CLASP1: variants seen among roughly 807,000 people sequenced by gnomAD.
CLASP1 encodes cytoplasmic linker associated protein 1, also known as CLIP-associating protein 1.
A neutral mutation model predicts 192.3 loss-of-function variants in CLASP1; 38 were observed. That is an observed-to-expected ratio of 0.20 (90% CI 0.15 to 0.26). The LOEUF (loss-of-function observed/expected upper bound fraction) is 0.26, where lower values mean the gene tolerates loss of function less well. Ranked by LOEUF, CLASP1 falls within the 10% of genes least tolerant of loss-of-function variation. CLASP1 has a pLI of 1.00. For synonymous variants in CLASP1, 691 were observed against 712.8 expected, an observed-to-expected ratio of 0.97 and a Z score of 0.49; for missense variants, 1,433 against 1,932.5, an observed-to-expected ratio of 0.74 and a Z score of 4.85.
At chr2:121,360,945 C>T (rs771034915) in intron 37 of CLASP1, among the ~76,000 whole-genome samples, 40 of 152,128 alleles carry the variant, frequency 2.6e-4, no homozygotes, top group Non-Finnish European at 4.7e-4. Context: ...AATTTTCTCT[C>T]CTAAATTTCT....
rs200831903 is a variant in CLASP1, at chr2:121,584,590, T to TA, written c.195+21110dup. On this transcript the variant is annotated intron_variant, in intron 2 of 39. Transcript: ENST00000263710. ...TGACTGCTTATTTCCAGAATAGATT[T>TA]AAAAAAAAATAAAAATGGTGGGGTA... Among the ~76,000 whole-genome samples the TA allele has an allele frequency of 5.5e-4, 83 of 150,812 alleles. 1 individual carries two copies. In the East Asian group the frequency reaches 0.011, roughly 20 times the overall value.
chr2:121,339,995 C>G (rs959019690), exon 40 of CLASP1: 2 of 152,184 alleles, frequency 1.3e-5, no homozygotes, highest in African/African-American at 4.8e-5. Context: ...CTTGGCAGAG[C>G]CCCCATGACA....
exon 16 of CLASP1, chr2:121,450,966 T>G (rs756914907): frequency 6.2e-7 from 1 of 1,608,826 alleles, no homozygotes; most frequent in Admixed American, 1.7e-5. Flanking sequence ...CCTTCTTTAT[T>G]GTTTCAGCTA....
chr2:121,443,465 G>C (rs1207686433), intron 19 of CLASP1, among the ~76,000 whole-genome samples: 1 of 152,122 alleles, frequency 6.6e-6, no homozygotes, highest in East Asian at 1.9e-4. Context: ...CAGTAAGGCT[G>C]AGAAAACACT....
intron 2 of CLASP1, among the ~76,000 whole-genome samples, chr2:121,582,785 C>CTTT (rs869194901): frequency 7.0e-6 from 1 of 143,034 alleles, no homozygotes; most frequent in African/African-American, 2.6e-5. Flanking sequence ...TTCTTTCTTC[C>CTTT]TTTTTTTTTT....
chr2:121,514,439 T>C (rs1016658658), intron 7 of CLASP1, among the ~76,000 whole-genome samples: 3 of 152,126 alleles, frequency 2.0e-5, no homozygotes, highest in Admixed American at 2.0e-4. Context: ...TTGAGTTCTT[T>C]TTCCTCCTGT....
chr2:121,345,480 T>C (rs1165447656), intron 39 of CLASP1, among the ~76,000 whole-genome samples: 1 of 152,244 alleles, frequency 6.6e-6, no homozygotes, highest in Non-Finnish European at 1.5e-5. Context: ...TTGGATGAAT[T>C]TTCCATTTTA....
chr2:121,448,491 T>G (rs2084802183), intron 17 of CLASP1, among the ~76,000 whole-genome samples, 166 bp from the exon 18 acceptor site: 1 of 152,234 alleles, frequency 6.6e-6, no homozygotes, highest in African/African-American at 2.4e-5. Context: ...CCAACGAAGC[T>G]TTAGCAATCT....
chr2:121,480,558 C>T (rs2092508939), intron 8 of CLASP1, among the ~76,000 whole-genome samples: 1 of 152,214 alleles, frequency 6.6e-6, no homozygotes, highest in African/African-American at 2.4e-5. Context: ...TGTAACGTCA[C>T]AGGCCTGCAC....
chr2:121,477,974 G>C (rs142665222), intron 8 of CLASP1, among the ~76,000 whole-genome samples: 104 of 152,214 alleles, frequency 6.8e-4, no homozygotes, highest in African/African-American at 2.3e-3. Context: ...AGTATGTTCT[G>C]CACATTGTGT....
At chr2:121,430,803 A>C (rs1185052418) in intron 19 of CLASP1, among the ~76,000 whole-genome samples, 1 of 152,178 alleles carries the variant, frequency 6.6e-6, no homozygotes, top group Non-Finnish European at 1.5e-5. Context: ...TACAGCTAAA[A>C]AGAATCAGTA....
chr2:121,498,284 G>A (rs532203629), intron 8 of CLASP1, among the ~76,000 whole-genome samples: 2 of 139,706 alleles, frequency 1.4e-5, no homozygotes, highest in South Asian at 2.2e-4. Context: ...TGAAACCTCC[G>A]CCTCCCAAGT....
chr2:121,532,313 T>C (rs927408877), intron 2 of CLASP1: 8 of 152,314 alleles, frequency 5.3e-5, no homozygotes, highest in African/African-American at 1.9e-4. Flanking sequence ...GTATAAACAC[T>C]TTAAAATAAT....
At position 121,384,159 on chromosome 2, in the gene CLASP1, T is replaced by C. The variant is rs531127269; in HGVS notation, c.3375-1835A>G. On this transcript the variant is annotated intron_variant, in intron 32 of 39. Transcript: ENST00000263710. ...GTATATATATATACACACACACACA[T>C]ATATATATATACACACACACACACA... 1.3e-3 allele frequency among the ~76,000 whole-genome samples: 166 copies of C among 129,790 alleles called. 2 individuals are homozygous for C. Among genetic ancestry groups the C allele is most frequent in the Middle Eastern group, 7.4e-3 (2 of 270 alleles). The allele number at this position is 129,790 out of a possible 152,430, so 85.1% of individuals were successfully genotyped here.
intron 19 of CLASP1, among the ~76,000 whole-genome samples, chr2:121,433,214 T>C (rs2081746860): frequency 6.6e-6 from 1 of 151,334 alleles, no homozygotes; most frequent in Non-Finnish European, 1.5e-5. Flanking sequence ...CCCAGCTACT[T>C]GGAAGGCTGA....
At chr2:121,483,576 A>G (rs190072999) in intron 8 of CLASP1, among the ~76,000 whole-genome samples, 104 of 151,430 alleles carry the variant, frequency 6.9e-4, no homozygotes, top group South Asian at 3.7e-3. Flanking sequence ...ATGTATATAT[A>G]TGTGTGTATA....
At chr2:121,550,421 A>G (rs2057926232) in intron 2 of CLASP1, among the ~76,000 whole-genome samples, 1 of 152,146 alleles carries the variant, frequency 6.6e-6, no homozygotes, top group South Asian at 2.1e-4. Context: ...AAATCGAGAC[A>G]TGAAAAACAA....
chr2:121,440,521 G>A (rs973695802), intron 19 of CLASP1, among the ~76,000 whole-genome samples: 5 of 152,114 alleles, frequency 3.3e-5, no homozygotes, highest in African/African-American at 9.7e-5. Flanking sequence ...GCAACATGGC[G>A]AAACCCCATC....
chr2:121,608,476 T>G (rs1459958246), intron 1 of CLASP1, among the ~76,000 whole-genome samples: 1 of 152,172 alleles, frequency 6.6e-6, no homozygotes. Context: ...GGGACGGCCA[T>G]GCTGTAAGGA....
Sources: gnomAD v4.1 joint callset for allele counts (sites outside exome capture counted in the v4.1 genomes callset) on GRCh38, gnomAD v4.1.1 for gene constraint, MANE v1.5 for transcripts, NCBI Gene and HGNC (gene_info 2026-07-23, HGNC 2026-07-21) for gene names.